NEK10: variants seen among roughly 807,000 people sequenced by gnomAD.
NEK10 encodes the protein NIMA related kinase 10, also known as serine/threonine-protein kinase Nek10.
A neutral mutation model predicts 159.8 loss-of-function variants in NEK10; 122 were observed. The observed-to-expected ratio is 0.76, with a 90% confidence interval of 0.66 to 0.89. NEK10 has a LOEUF of 0.89. Among genes scored for constraint, NEK10 ranks in the 40% least tolerant of loss-of-function variants. NEK10 has a pLI of 0.00. For synonymous variants in NEK10, 466 were observed against 457.1 expected, an observed-to-expected ratio of 1.02 and a Z score of -0.25; for missense variants, 1,342 against 1,323.1, an observed-to-expected ratio of 1.01 and a Z score of -0.22.
At chr3:27,139,702 A>T (rs1236939374) in intron 31 of NEK10, among the ~76,000 whole-genome samples, 1 of 152,146 alleles carries the variant, frequency 6.6e-6, no homozygotes, top group Non-Finnish European at 1.5e-5. Flanking sequence ...GTACTTAACC[A>T]TGGTCTGTGT....
At chr3:27,202,219 T>C (rs1950117773) in intron 24 of NEK10, among the ~76,000 whole-genome samples, 1 of 152,006 alleles carries the variant, frequency 6.6e-6, no homozygotes, top group African/African-American at 2.4e-5. Context: ...TTTTGTATTA[T>C]AAATAAAGAC....
chr3:27,257,964 T>C (rs1344410503), intron 22 of NEK10, among the ~76,000 whole-genome samples: 1 of 151,748 alleles, frequency 6.6e-6, no homozygotes, highest in Non-Finnish European at 1.5e-5. Context: ...AATTTTTTTA[T>C]TTTTTGTATT....
At chr3:27,200,074 T>G (rs940147309) in intron 25 of NEK10, among the ~76,000 whole-genome samples, 4 of 152,154 alleles carry the variant, frequency 2.6e-5, no homozygotes, top group Non-Finnish European at 5.9e-5. Flanking sequence ...AAGTTTACCT[T>G]GTATAACAAA....
At position 27,284,725 on chromosome 3, in the gene NEK10, AC is replaced by A. The variant is rs767897774; in HGVS notation, c.1912-22del. 2.5e-6 allele frequency: 4 copies of A among 1,572,182 alleles called. No homozygotes were observed. The African/African-American group carries it at 5.4e-5, about 21-fold the overall frequency. Reference sequence around the variant, plus strand: ...CACAGCTTGAAACAATGAATAGAAAACAAATTTTATTTCCCCCAACATACAT... The same window carrying A: ...CACAGCTTGAAACAATGAATAGAAAAAAATTTTATTTCCCCCAACATACAT... On this transcript the variant is annotated intron_variant, in intron 21 of 35. Transcript: ENST00000691995.
At chr3:27,301,553 T>C (rs963595462) in intron 13 of NEK10, 143 bp downstream of exon 13, 1 of 632,480 alleles carries the variant, frequency 1.6e-6, no homozygotes. Context: ...GACCAAGAAG[T>C]TTCTGGCATC....
chr3:27,151,086 A>G (rs1944813707), intron 30 of NEK10, among the ~76,000 whole-genome samples: 1 of 152,122 alleles, frequency 6.6e-6, no homozygotes, highest in Non-Finnish European at 1.5e-5. Flanking sequence ...GTAGCGGAAG[A>G]CAAAGGACGT....
In NEK10 at chr3:27,297,229, C is replaced by T. The variant is rs1228842131; in HGVS notation, c.1180G>A (p.Ala394Thr). The change falls in exon 14 of 36, where the codon GCC becomes ACC. Residue 394 changes from alanine (A) to threonine (T), a missense_variant. Coordinates refer to ENST00000691995, the MANE Select transcript of NEK10 (RefSeq NM_001394966.1). ...TCATTGAGCACCAGCTCAGTGAGGG[C>T]AGCACAGCAGGCTGGAATGACAACA... is the stretch of plus-strand genomic sequence containing the variant. ...TFSLQAACCA[A>T]LTELVLNDTN... The T allele has an allele frequency of 6.2e-7, 1 of 1,612,178 alleles. No individual in the cohort carries two copies. Among genetic ancestry groups the T allele is most frequent in the East Asian group, 2.2e-5 (1 of 44,866 alleles).
intron 23 of NEK10, among the ~76,000 whole-genome samples, chr3:27,242,894 A>T (rs918412448): frequency 2.6e-5 from 4 of 152,212 alleles, no homozygotes; most frequent in African/African-American, 7.2e-5. Flanking sequence ...TATGCCTTTC[A>T]GTGAAAATGA....
chr3:27,282,322 T>C (rs1158711317), intron 22 of NEK10, among the ~76,000 whole-genome samples: 2 of 151,830 alleles, frequency 1.3e-5, no homozygotes, highest in Non-Finnish European at 2.9e-5. Flanking sequence ...TGATAATGAT[T>C]AAAGAAAGTA....
chr3:27,312,166 A>G lies in NEK10; in HGVS notation c.501T>C (p.Ile167=), dbSNP rs2044748598. ...CATAGCCGAGGTACTCATTGGCTACAATCTCCATATACTGCATGAAGGACC... is the reference window on the plus strand; with the variant it reads ...CATAGCCGAGGTACTCATTGGCTACGATCTCCATATACTGCATGAAGGACC... ...GIENLAQYME[I]VANEYLGYGE... is the part of the protein sequence containing the mutation. Residue 167 remains isoleucine (I), a synonymous_variant, in exon 8 of 36, where the codon ATT becomes ATC. Coordinates refer to ENST00000691995, the MANE Select transcript of NEK10 (RefSeq NM_001394966.1). The G allele has an allele frequency of 6.2e-7, 1 of 1,609,380 alleles. No homozygotes were observed. The highest frequency in any genetic ancestry group is 8.5e-7 in the Non-Finnish European group (1 of 1,177,032).
chr3:27,116,798 C>T (rs1296159345), intron 33 of NEK10, among the ~76,000 whole-genome samples: 1 of 151,690 alleles, frequency 6.6e-6, no homozygotes, highest in Non-Finnish European at 1.5e-5. Flanking sequence ...CCATGGCTGG[C>T]CAGATTTTTT....
At chr3:27,313,079 A>G (rs1348219937) in intron 7 of NEK10, among the ~76,000 whole-genome samples, 1 of 150,326 alleles carries the variant, frequency 6.7e-6, no homozygotes, top group Non-Finnish European at 1.5e-5. Flanking sequence ...ACATGGTGTA[A>G]CCCTGTCTCT....
chr3:27,295,572 T>C, intron 15 of NEK10, 41 bp downstream of exon 15: 2 of 1,535,606 alleles, frequency 1.3e-6, no homozygotes, highest in Non-Finnish European at 8.8e-7. Flanking sequence ...ACCCAAGATT[T>C]CAATAACTTG....
intron 26 of NEK10, among the ~76,000 whole-genome samples, chr3:27,191,312 G>C (rs1445937776): frequency 6.6e-6 from 1 of 151,192 alleles, no homozygotes; most frequent in Admixed American, 6.6e-5. Flanking sequence ...AAAAAAAAAG[G>C]ATGAAAGTCC....
chr3:27,271,468 T>C (rs970296842), intron 22 of NEK10, among the ~76,000 whole-genome samples: 1 of 152,168 alleles, frequency 6.6e-6, no homozygotes, highest in African/African-American at 2.4e-5. Flanking sequence ...CCAAAAATAA[T>C]GCTTTGGCTT....
chr3:27,197,952 G>A lies in NEK10; in HGVS notation c.2291+3558C>T, dbSNP rs548002550. The stretch of plus-strand genomic sequence containing the variant: ...TCTTGTGCTGATTTTCAAGAGAAAT[G>A]CTTCCAGCTCTTGCCCATTCAGTAT... On this transcript the variant is annotated intron_variant, in intron 25 of 35. Coordinates refer to ENST00000691995, the MANE Select transcript of NEK10 (RefSeq NM_001394966.1). Among the ~76,000 whole-genome samples, 7 of 152,226 alleles carry A rather than the reference G, an allele frequency of 4.6e-5. No individual in the cohort carries two copies. In the South Asian group the frequency reaches 1.5e-3, roughly 32 times the overall value.
chr3:27,174,320 C>G, intron 28 of NEK10, 119 bp downstream of exon 28: 1 of 1,513,556 alleles, frequency 6.6e-7, no homozygotes, highest in Non-Finnish European at 8.9e-7. Flanking sequence ...ATTAGCACTG[C>G]ACCTGAAAAA....
chr3:27,313,742 TC>T (rs1184277994), intron 7 of NEK10, among the ~76,000 whole-genome samples: 3 of 152,210 alleles, frequency 2.0e-5, no homozygotes, highest in African/African-American at 7.2e-5. Flanking sequence ...AGGCGGAGTT[TC>T]GCTCTGTTGC....
chr3:27,301,103 C>A (rs529183385), intron 13 of NEK10, among the ~76,000 whole-genome samples: 1 of 152,158 alleles, frequency 6.6e-6, no homozygotes, highest in Non-Finnish European at 1.5e-5. Context: ...AGCACTCAGA[C>A]CGCACTGTAG....
Sources: gnomAD v4.1 joint callset for allele counts (sites outside exome capture counted in the v4.1 genomes callset) on GRCh38, gnomAD v4.1.1 for gene constraint, MANE v1.5 for transcripts, NCBI Gene and HGNC (gene_info 2026-07-23, HGNC 2026-07-21) for gene names.